The following TAFA1 variants were observed in gnomAD, a reference collection of about 807,000 sequenced individuals.
TAFA1 encodes chemokine-like protein TAFA-1.
In TAFA1, 4 loss-of-function variants were observed where a neutral mutation model predicts 18.5. The ratio of observed to expected loss-of-function variants is 0.22; its 90% confidence interval spans 0.11 to 0.49. The LOEUF (loss-of-function observed/expected upper bound fraction) is 0.49, where lower values mean the gene tolerates loss of function less well. TAFA1 is among the 20% of genes least tolerant of loss of function. TAFA1 has a pLI of 0.98. For missense variants in TAFA1, 147 were observed against 169.0 expected (o/e 0.87, Z 0.72); for synonymous variants, 56 against 55.2 (o/e 1.01, Z -0.06).
At chr3:68,192,229 C>T (rs2066350421) in intron 2 of TAFA1, among the ~76,000 whole-genome samples, 2 of 151,894 alleles carry the variant, frequency 1.3e-5, no homozygotes, top group Non-Finnish European at 2.9e-5. Flanking sequence ...TAAAACTAAA[C>T]AGGAGTGATT....
intron 3 of TAFA1, among the ~76,000 whole-genome samples, chr3:68,421,335 G>A (rs1225981507): frequency 6.6e-6 from 1 of 152,002 alleles, no homozygotes. Context: ...TATATTTTTG[G>A]TAACATTCTA....
chr3:68,233,938 G>A (rs2066899233), intron 2 of TAFA1, among the ~76,000 whole-genome samples: 1 of 152,030 alleles, frequency 6.6e-6, no homozygotes, highest in Non-Finnish European at 1.5e-5. Context: ...AAAAAATGAG[G>A]GAAATATGAG....
At chr3:68,056,312 T>C (rs984802240) in intron 2 of TAFA1, among the ~76,000 whole-genome samples, 9 of 152,320 alleles carry the variant, frequency 5.9e-5, no homozygotes, top group Admixed American at 5.2e-4. Context: ...CAGGTTTTAG[T>C]ACTGAAAGTC....
At chr3:68,450,026 G>A (rs989790606) in intron 3 of TAFA1, among the ~76,000 whole-genome samples, 3 of 152,152 alleles carry the variant, frequency 2.0e-5, no homozygotes, top group African/African-American at 4.8e-5. Context: ...GGTTTTTTGG[G>A]ACAGAACTGG....
chr3:68,043,082 A>C (rs574798593), intron 2 of TAFA1, among the ~76,000 whole-genome samples: 1 of 152,036 alleles, frequency 6.6e-6, no homozygotes, highest in Non-Finnish European at 1.5e-5. Context: ...ACGGGGTTTC[A>C]CCATGTTAGC....
chr3:68,212,248 G>T (rs141722218), intron 2 of TAFA1, among the ~76,000 whole-genome samples: 1 of 151,822 alleles, frequency 6.6e-6, no homozygotes, highest in East Asian at 2.0e-4. Flanking sequence ...AAAAAAATTA[G>T]TGTGGCTGAA....
At chr3:68,424,820 A>G (rs1510367) in intron 3 of TAFA1, among the ~76,000 whole-genome samples, 3,830 of 152,096 alleles carry the variant, frequency 0.025, 75 homozygotes, top group East Asian at 0.091. Flanking sequence ...CTTGAACACA[A>G]TATTTCCCAA....
intron 2 of TAFA1, among the ~76,000 whole-genome samples, chr3:68,232,614 T>G (rs908307422): frequency 2.1e-4 from 31 of 150,498 alleles, no homozygotes; most frequent in Middle Eastern, 6.8e-3. Flanking sequence ...TTTTAGTGGG[T>G]TTTTTTTTCT....
At chr3:68,312,179 A>C (rs1425450523) in intron 2 of TAFA1, among the ~76,000 whole-genome samples, 2 of 152,174 alleles carry the variant, frequency 1.3e-5, no homozygotes, top group Non-Finnish European at 2.9e-5. Context: ...GGCCCAGCCC[A>C]CCAGAACCAC....
chr3:68,540,637 T>G (rs2073357185), intron 4 of TAFA1, among the ~76,000 whole-genome samples: 1 of 152,226 alleles, frequency 6.6e-6, no homozygotes, highest in African/African-American at 2.4e-5. Context: ...AAGAACTGAT[T>G]GCCTTTTATT....
intron 3 of TAFA1, among the ~76,000 whole-genome samples, chr3:68,467,433 A>G (rs78283911): frequency 0.027 from 4,079 of 152,194 alleles, 77 homozygotes; most frequent in Non-Finnish European, 0.044. Context: ...TCCCACAACA[A>G]TGGTTACGGG....
the TAFA1 span, among the ~76,000 whole-genome samples, chr3:67,997,680 C>A: frequency 2.0e-4 from 30 of 151,888 alleles, no homozygotes; most frequent in South Asian, 8.4e-4. Flanking sequence ...CCTAGGAAGT[C>A]CAGAAAAGTT....
chr3:68,334,686 C>T (rs1237617687), intron 2 of TAFA1, among the ~76,000 whole-genome samples: 1 of 152,066 alleles, frequency 6.6e-6, no homozygotes, highest in African/African-American at 2.4e-5. Context: ...GTAGGAAATT[C>T]ACCCTGAAAT....
At chr3:68,120,242 T>TTTCTTTCTTTCC in intron 2 of TAFA1, among the ~76,000 whole-genome samples, 1 of 128,450 alleles carries the variant, frequency 7.8e-6, no homozygotes. Context: ...TCTTTCTTTC[T>TTTCTTTCTTTCC]TTCTTTCTTT....
chr3:68,330,179 G>A (rs772485862), intron 2 of TAFA1, among the ~76,000 whole-genome samples: 7 of 152,196 alleles, frequency 4.6e-5, no homozygotes, highest in African/African-American at 1.4e-4. Flanking sequence ...TACAGGTTAC[G>A]TCGTCATAGT....
intron 3 of TAFA1, among the ~76,000 whole-genome samples, chr3:68,487,807 AAAAG>A (rs1421865608): frequency 3.2e-5 from 2 of 63,238 alleles, no homozygotes; most frequent in Non-Finnish European, 8.0e-5. Flanking sequence ...TCTCTGTACC[AAAAG>A]AAAAAAAAAA....
chr3:68,315,280 A>C (rs989396260), intron 2 of TAFA1, among the ~76,000 whole-genome samples: 17 of 152,036 alleles, frequency 1.1e-4, no homozygotes, highest in African/African-American at 3.4e-4. Flanking sequence ...TGTCCGAGAC[A>C]TGCTTAGTTA....
At chr3:68,292,527 C>T (rs1271896878) in intron 2 of TAFA1, among the ~76,000 whole-genome samples, 3 of 151,776 alleles carry the variant, frequency 2.0e-5, no homozygotes, top group African/African-American at 2.4e-5. Flanking sequence ...TGCCTCTTTC[C>T]TTTCTTTTTC....
chr3:68,479,697 A>G (rs2072191227), intron 3 of TAFA1, among the ~76,000 whole-genome samples: 1 of 152,338 alleles, frequency 6.6e-6, no homozygotes, highest in African/African-American at 2.4e-5. Context: ...AGGTATTTCC[A>G]ACATTTTTCA....
Sources: allele counts gnomAD v4.1 joint callset (sites outside exome capture counted in the v4.1 genomes callset), GRCh38; gene constraint gnomAD v4.1.1; transcripts MANE v1.5; gene names NCBI Gene and HGNC (gene_info 2026-07-23, HGNC 2026-07-21).